The following PXMP2 variants were observed in gnomAD, a reference collection of about 807,000 sequenced individuals.
PXMP2 encodes the protein 22 kDa peroxisomal membrane protein.
In PXMP2, 13 loss-of-function variants were observed where a neutral mutation model predicts 20.2. The ratio of observed to expected loss-of-function variants is 0.64; its 90% CI spans 0.42 to 1.02. The LOEUF (loss-of-function observed/expected upper bound fraction) is 1.02, where lower values mean the gene tolerates loss of function less well. Ranked by LOEUF, PXMP2 falls within the 50% of genes least tolerant of loss-of-function variation. PXMP2 has a pLI of 0.00. For synonymous variants in PXMP2, 113 were observed against 111.2 expected (o/e 1.02, Z -0.10); for missense variants, 284 against 251.8 (o/e 1.13, Z -0.87).
At chr12:132,691,700 C>T (rs2136059839) in intron 2 of PXMP2, among the ~76,000 whole-genome samples, 1 of 152,322 alleles carries the variant, frequency 6.6e-6, no homozygotes, top group South Asian at 2.1e-4. Context: ...ATCCACAGGA[C>T]TTCAGTCCCC....
chr12:132,699,813 A>G (rs2043428937), intron 3 of PXMP2, among the ~76,000 whole-genome samples: 1 of 152,062 alleles, frequency 6.6e-6, no homozygotes, highest in African/African-American at 2.4e-5. Context: ...GCTGTTGTGG[A>G]TAGCGCTGTG....
At chr12:132,701,466 CTTT>C (rs1475676056) in intron 4 of PXMP2, 97 bp downstream of exon 4, 11 of 1,422,776 alleles carry the variant, frequency 7.7e-6, no homozygotes, top group Non-Finnish European at 1.0e-5. Flanking sequence ...CTCCCCTCTT[CTTT>C]TCTCTTCTCT....
intron 4 of PXMP2, among the ~76,000 whole-genome samples, chr12:132,703,998 C>T (rs940177359): frequency 1.3e-5 from 2 of 152,154 alleles, no homozygotes; most frequent in African/African-American, 4.8e-5. Flanking sequence ...TAGGTGGGTG[C>T]AGGTGTATGC....
chr12:132,690,274 C>T lies in PXMP2; in HGVS notation c.134C>T (p.Ser45Leu). ...CTCCCTCTCCACAGTGGCATTTTGT[C>T]AGCACTTGGGAACTTCCTGGCCCAG... ...LTKAATSGIL[S>L]ALGNFLAQMI... The change falls in exon 2 of 5, where the codon TCA becomes TTA. Residue 45 changes from serine (S) to leucine (L), a missense_variant. Physicochemically the swap from Ser to Leu is moderately radical, Grantham distance 145. Coordinates refer to ENST00000317479, the MANE Select transcript of PXMP2 (RefSeq NM_018663.3). 1.9e-6 allele frequency: 3 copies of T among 1,613,824 alleles called. No homozygotes were observed. The highest frequency in any genetic ancestry group is 2.5e-6 in the Non-Finnish European group (3 of 1,179,784).
intron 3 of PXMP2, among the ~76,000 whole-genome samples, chr12:132,699,341 G>A (rs529995573): frequency 6.6e-6 from 1 of 152,170 alleles, no homozygotes; most frequent in South Asian, 2.1e-4. Flanking sequence ...GATGTCAGGA[G>A]GTTGAGGCCA....
intron 2 of PXMP2, among the ~76,000 whole-genome samples, chr12:132,692,516 TCCCTTGCCAGTTAGTTAGTGAGCG>T (rs1565990547): frequency 0.064 from 4,836 of 75,800 alleles, 422 homozygotes; most frequent in African/African-American, 0.13. Flanking sequence ...GTTAGTGAGC[TCCCTTGCCAGTTAGTTAGTGAGCG>T]CCCTTGCCAG....
intron 2 of PXMP2, among the ~76,000 whole-genome samples, chr12:132,695,367 G>C (rs1334119629): frequency 6.6e-6 from 1 of 152,214 alleles, no homozygotes; most frequent in Admixed American, 6.5e-5. Flanking sequence ...AGTTAGCCTA[G>C]TGAGTTTAAT....
rs1196572768 is a variant in PXMP2, at chr12:132,701,314, A to C, written c.464A>C (p.Asn155Thr). 1 of 1,612,884 alleles carries C rather than the reference A, an allele frequency of 6.2e-7. No homozygotes were observed. Among genetic ancestry groups the C allele is most frequent in the African/African-American group, 1.3e-5 (1 of 74,830 alleles). Residue 155 changes from asparagine to threonine, a missense_variant, in exon 4 of 5, where the codon AAC becomes ACC. Coordinates refer to ENST00000317479, the MANE Select transcript of PXMP2 (RefSeq NM_018663.3). ...RGGFWPALRM[N>T]WRVWTPLQFI... ...GGCTTCTGGCCGGCGCTGAGGATGA[A>C]CTGGCGGGTGTGGACGCCACTACAG...
chr12:132,697,883 C>T (rs935155110), intron 3 of PXMP2, among the ~76,000 whole-genome samples: 1 of 152,268 alleles, frequency 6.6e-6, no homozygotes, highest in African/African-American at 2.4e-5. Context: ...GCATGGGAGG[C>T]GTGTTCACCT....
At chr12:132,689,387 C>T (rs2043352658) in intron 1 of PXMP2, among the ~76,000 whole-genome samples, 1 of 152,168 alleles carries the variant, frequency 6.6e-6, no homozygotes, top group Non-Finnish European at 1.5e-5. Flanking sequence ...AGCAGAGGCT[C>T]TCCTGGCACA....
intron 3 of PXMP2, among the ~76,000 whole-genome samples, chr12:132,700,034 T>C (rs1262937854): frequency 6.6e-6 from 1 of 151,874 alleles, no homozygotes; most frequent in Non-Finnish European, 1.5e-5. Flanking sequence ...CATCTATTGT[T>C]TTTTGACCTT....
intron 2 of PXMP2, among the ~76,000 whole-genome samples, chr12:132,692,676 T>C (rs2043377790): frequency 8.2e-6 from 1 of 122,432 alleles, no homozygotes; most frequent in East Asian, 2.6e-4. Context: ...CTTAGCCAGT[T>C]AGTTAGTGAG....
chr12:132,698,376 T>G (rs1002812957), intron 3 of PXMP2, among the ~76,000 whole-genome samples: 5 of 152,234 alleles, frequency 3.3e-5, no homozygotes, highest in Admixed American at 3.3e-4. Context: ...TTATAAAGGT[T>G]CATGTATTCA....
At chr12:132,694,581 T>C (rs1296965499) in intron 2 of PXMP2, among the ~76,000 whole-genome samples, 13 of 108,356 alleles carry the variant, frequency 1.2e-4, no homozygotes, top group Middle Eastern at 7.1e-3. Context: ...CCTTGCCAGT[T>C]AGTTAGTGAG....
intron 2 of PXMP2, among the ~76,000 whole-genome samples, chr12:132,691,833 C>T (rs574361305): frequency 6.6e-6 from 1 of 152,320 alleles, no homozygotes; most frequent in South Asian, 2.1e-4. Context: ...CTTTTTGTTG[C>T]TGAATTTTAT....
intron 4 of PXMP2, 100 bp downstream of exon 4, chr12:132,701,469 T>G: frequency 7.0e-7 from 1 of 1,428,974 alleles, no homozygotes; most frequent in Non-Finnish European, 9.4e-7. Flanking sequence ...CCCTCTTCTT[T>G]TCTCTTCTCT....
Position 132,687,782 on chromosome 12 carries a change from GC to G in PXMP2, c.113del (p.Ala38GlyfsTer17). On this transcript the variant is annotated frameshift_variant, in exon 1 of 5. Coordinates refer to ENST00000317479, the MANE Select transcript of PXMP2 (RefSeq NM_018663.3). LOFTEE classifies it high-confidence loss of function. ...GCGGCTCTACCCGGTGCTCACCAAG[GC>G]GGCCACCAGGTGAGCGGGGGCGCGG... ...FLRLYPVLTK[A>X]ATSGILSALG... is the part of the protein sequence containing the mutation. The G allele has an allele frequency of 8.5e-7, 1 of 1,171,200 alleles. No homozygotes were observed. The allele number at this position is 1,171,200 out of a possible 1,614,324, so 72.6% of individuals were successfully genotyped here.
intron 4 of PXMP2, 119 bp downstream of exon 4, chr12:132,701,488 T>C: frequency 7.2e-7 from 1 of 1,381,248 alleles, no homozygotes; most frequent in South Asian, 1.4e-5. Context: ...CTTCTTTCTT[T>C]GGTAGTTTTC....
At chr12:132,694,982 T>G (rs1204467122) in intron 2 of PXMP2, among the ~76,000 whole-genome samples, 395 of 119,922 alleles carry the variant, frequency 3.3e-3, no homozygotes, top group African/African-American at 0.011. Context: ...GTTAGTGAGC[T>G]CCCTTAGCCA....
Sources: gnomAD v4.1 joint callset for allele counts (sites outside exome capture counted in the v4.1 genomes callset) on GRCh38, gnomAD v4.1.1 for gene constraint, MANE v1.5 for transcripts, NCBI Gene and HGNC (gene_info 2026-07-23, HGNC 2026-07-21) for gene names.